The following GLRB variants were observed in gnomAD, a reference collection of about 807,000 sequenced individuals.
The protein encoded by GLRB is glycine receptor subunit beta.
GLRB carries 33 observed loss-of-function variants against 54.2 expected under a neutral mutation model. The observed-to-expected ratio is 0.61, with a 90% CI of 0.46 to 0.81. GLRB has a LOEUF of 0.81. Ranked by LOEUF, GLRB falls within the 40% of genes least tolerant of loss-of-function variation. The probability of loss-of-function intolerance (pLI) is 0.00; values close to 1 mark genes in which losing one functional copy is unlikely to be tolerated. For synonymous variants in GLRB, 209 were observed against 208.2 expected (o/e 1.00, Z -0.03); for missense variants, 572 against 584.6 (o/e 0.98, Z 0.22).
At chr4:157,094,627 T>G (rs1734738573) in intron 2 of GLRB, among the ~76,000 whole-genome samples, 1 of 152,170 alleles carries the variant, frequency 6.6e-6, no homozygotes. Context: ...TTTGTAAAAG[T>G]GGTCAACTTC....
intron 9 of GLRB, among the ~76,000 whole-genome samples, chr4:157,161,280 A>T (rs970400694): frequency 2.0e-5 from 3 of 152,130 alleles, no homozygotes; most frequent in Non-Finnish European, 4.4e-5. Flanking sequence ...TTGACTCTTT[A>T]TCCAATTTAC....
intron 8 of GLRB, among the ~76,000 whole-genome samples, chr4:157,151,615 G>A (rs1737025255): frequency 6.6e-6 from 1 of 151,936 alleles, no homozygotes; most frequent in African/African-American, 2.4e-5. Context: ...GTTCTTGAAT[G>A]CAAAAAACAC....
chr4:157,136,245 A>G (rs1736394219), intron 4 of GLRB: 7 of 525,020 alleles, frequency 1.3e-5, no homozygotes, highest in Non-Finnish European at 2.4e-5. Flanking sequence ...TGAGCTAGCA[A>G]GTGCTACGGA....
chr4:157,129,649 T>A (rs1736140766), intron 4 of GLRB, among the ~76,000 whole-genome samples: 1 of 151,820 alleles, frequency 6.6e-6, no homozygotes, highest in South Asian at 2.1e-4. Context: ...ATACACTGAA[T>A]GAACCAGTGA....
intron 8 of GLRB, among the ~76,000 whole-genome samples, chr4:157,148,750 C>T (rs1465275000): frequency 6.6e-6 from 1 of 152,000 alleles, no homozygotes; most frequent in Non-Finnish European, 1.5e-5. Flanking sequence ...TTTTTTTAAA[C>T]AGCCCATTCT....
chr4:157,083,575 A>G (rs945829816), intron 2 of GLRB, among the ~76,000 whole-genome samples: 4 of 152,284 alleles, frequency 2.6e-5, no homozygotes, highest in African/African-American at 4.8e-5. Context: ...AACTTGTGCA[A>G]TTTTTAAGAT....
At chr4:157,136,193 A>G (rs1394798562) in intron 4 of GLRB, among the ~76,000 whole-genome samples, 1 of 152,134 alleles carries the variant, frequency 6.6e-6, no homozygotes, top group African/African-American at 2.4e-5. Flanking sequence ...TGGTGTTTGT[A>G]TAAAGGTAAA....
At position 157,120,619 on chromosome 4, in the gene GLRB, G is replaced by T; in HGVS notation, c.186G>T (p.Arg62Ser). ...ACTCCACTAGCAATATCTTGAACAG[G>T]TTATTGGTCAGTTATGATCCCAGGA... ...PANSTSNILN[R>S]LLVSYDPRIR... The change falls in exon 3 of 10, where the codon AGG becomes AGT. Residue 62 changes from arginine (R) to serine (S), a missense_variant. By Grantham distance (110) the Arg-to-Ser change is moderately radical. Transcript: ENST00000264428. 1 of 1,599,276 alleles carries T rather than the reference G, an allele frequency of 6.3e-7. No homozygotes were observed. Among genetic ancestry groups the T allele is most frequent in the Non-Finnish European group, 8.6e-7 (1 of 1,168,980 alleles).
chr4:157,091,563 G>C (rs1202289154), intron 2 of GLRB, among the ~76,000 whole-genome samples: 1 of 152,056 alleles, frequency 6.6e-6, no homozygotes, highest in Non-Finnish European at 1.5e-5. Flanking sequence ...TGTAACACTG[G>C]GTAACACTCC....
intron 2 of GLRB, among the ~76,000 whole-genome samples, chr4:157,093,029 T>C (rs1734675583): frequency 6.6e-6 from 1 of 152,244 alleles, no homozygotes; most frequent in Non-Finnish European, 1.5e-5. Context: ...ACTATATTTA[T>C]GTTTAGTCAT....
intron 8 of GLRB, among the ~76,000 whole-genome samples, chr4:157,146,059 C>A (rs1736796045): frequency 6.6e-6 from 1 of 151,848 alleles, no homozygotes; most frequent in African/African-American, 2.4e-5. Flanking sequence ...CTCTGTTGCC[C>A]AGGCTGGAGT....
chr4:157,160,003 A>G (rs540870832), intron 9 of GLRB, among the ~76,000 whole-genome samples: 44 of 152,274 alleles, frequency 2.9e-4, no homozygotes, highest in Admixed American at 7.2e-4. Context: ...TATTGCCTCA[A>G]TTTCAGAATC....
Position 157,138,896 on chromosome 4 carries a change from T to C in GLRB, c.698T>C (p.Ile233Thr), listed in dbSNP as rs546246853. ...AAAATTGCCTTGCCTCAATTTGATA[T>C]CAAAAAGGAAGATATTGAATATGGT... ...LEKIALPQFDIKKEDIEYGNC... is the reference protein window; with the variant it reads ...LEKIALPQFDTKKEDIEYGNC... Residue 233 changes from isoleucine to threonine, a missense_variant, in exon 7 of 10, where the codon ATC becomes ACC. Transcript: ENST00000264428. 4 of 1,490,360 alleles carry C rather than the reference T, an allele frequency of 2.7e-6. No homozygotes were observed. The African/African-American group carries it at 5.5e-5, about 21-fold the overall frequency. 92.3% of individuals were successfully genotyped at this position (1,490,360 alleles called of 1,614,324 possible).
intron 4 of GLRB, among the ~76,000 whole-genome samples, chr4:157,128,192 A>G (rs1436253670): frequency 6.6e-6 from 1 of 151,862 alleles, no homozygotes; most frequent in East Asian, 1.9e-4. Context: ...ATATCTATAT[A>G]TATGTTTTTA....
At chr4:157,144,286 C>T (rs1736726912) in intron 8 of GLRB, among the ~76,000 whole-genome samples, 1 of 152,100 alleles carries the variant, frequency 6.6e-6, no homozygotes, top group African/African-American at 2.4e-5. Flanking sequence ...AAATGAATAA[C>T]TATTTCGAAG....
In GLRB at chr4:157,152,235, G is replaced by GT. The variant is rs372475585; in HGVS notation, c.905-475dup. On this transcript the variant is annotated intron_variant, in intron 8 of 9. Transcript: ENST00000264428. ...ATTTCCTGCTGTGTCTTTTCTATTA[G>GT]TTTTTTTTATTATGAACCTTATCAA... Among the ~76,000 whole-genome samples the GT allele has an allele frequency of 1.6e-3, 248 of 151,856 alleles. 1 individual carries two copies. The highest frequency in any genetic ancestry group is 0.01 in the Middle Eastern group (3 of 294).
chr4:157,096,747 A>G (rs1329473452), intron 2 of GLRB, among the ~76,000 whole-genome samples: 1 of 152,144 alleles, frequency 6.6e-6, no homozygotes, highest in Admixed American at 6.6e-5. Flanking sequence ...CTGTATTACA[A>G]CTCATTTTAC....
intron 2 of GLRB, among the ~76,000 whole-genome samples, chr4:157,081,498 T>G (rs747859428): frequency 1.3e-5 from 2 of 152,198 alleles, no homozygotes; most frequent in African/African-American, 2.4e-5. Flanking sequence ...ATCACTGTAT[T>G]AAGAGTGGTG....
intron 9 of GLRB, among the ~76,000 whole-genome samples, chr4:157,162,341 G>A (rs565606723): frequency 1.6e-4 from 24 of 152,112 alleles, no homozygotes; most frequent in African/African-American, 4.6e-4. Flanking sequence ...CTCTCAACTC[G>A]TCAAAGTCAT....
Sources: gnomAD v4.1 joint callset for allele counts (sites outside exome capture counted in the v4.1 genomes callset) on GRCh38, gnomAD v4.1.1 for gene constraint, MANE v1.5 for transcripts, NCBI Gene and HGNC (gene_info 2026-07-23, HGNC 2026-07-21) for gene names.